The following ST6GAL2 variants were observed in gnomAD, a reference collection of about 807,000 sequenced individuals.
ST6GAL2 encodes the protein ST6 beta-galactoside alpha-2,6-sialyltransferase 2, also known as beta-galactoside alpha-2,6-sialyltransferase 2.
ST6GAL2 carries 24 observed loss-of-function variants against 37.5 expected under a neutral mutation model. The observed-to-expected ratio is 0.64, with a 90% CI of 0.46 to 0.90. ST6GAL2 has a LOEUF of 0.90. Among genes scored for constraint, ST6GAL2 ranks in the 40% least tolerant of loss-of-function variants. The probability of loss-of-function intolerance (pLI) is 0.00; values close to 1 mark genes in which losing one functional copy is unlikely to be tolerated. For synonymous variants in ST6GAL2, 306 were observed against 295.1 expected (o/e 1.04, Z -0.38); for missense variants, 715 against 712.7 (o/e 1.00, Z -0.04).
intron 1 of ST6GAL2, among the ~76,000 whole-genome samples, chr2:106,855,035 G>A (rs906988974): frequency 2.6e-4 from 39 of 151,894 alleles, no homozygotes; most frequent in South Asian, 4.2e-4. Flanking sequence ...GTGTTAATGA[G>A]CTTATTATAA....
At chr2:106,821,983 T>C (rs1486012633) in intron 5 of ST6GAL2, among the ~76,000 whole-genome samples, 1 of 152,014 alleles carries the variant, frequency 6.6e-6, no homozygotes, top group Non-Finnish European at 1.5e-5. Context: ...ACCTTCAAAA[T>C]AGTGGGAATA....
Position 106,803,059 on chromosome 2 carries a change from C to G in ST6GAL2, c.*3619G>C, listed in dbSNP as rs1406302839. ...TGTGTTACTGCTCAGAAGAGTCAATCAGCAGCGTAAGTATGATCTGTCCAG... is the reference window on the plus strand; with the variant it reads ...TGTGTTACTGCTCAGAAGAGTCAATGAGCAGCGTAAGTATGATCTGTCCAG... On this transcript the variant is annotated 3_prime_UTR_variant, in exon 6 of 6. Coordinates refer to ENST00000409382, the MANE Select transcript of ST6GAL2 (RefSeq NM_001142351.2). 1 of 152,234 alleles carries G rather than the reference C, an allele frequency of 6.6e-6. No homozygotes were observed. The highest frequency in any genetic ancestry group is 1.5e-5 in the Non-Finnish European group (1 of 68,054). 9.4% of individuals were successfully genotyped at this position (152,234 alleles called of 1,614,324 possible).
intron 3 of ST6GAL2, among the ~76,000 whole-genome samples, chr2:106,833,240 G>C (rs1227815949): frequency 6.6e-6 from 1 of 151,170 alleles, no homozygotes; most frequent in Non-Finnish European, 1.5e-5. Context: ...TCATGTTAAA[G>C]TTTCTTAGTT....
At chr2:106,835,532 G>T (rs1025379423) in intron 2 of ST6GAL2, among the ~76,000 whole-genome samples, 1 of 152,178 alleles carries the variant, frequency 6.6e-6, no homozygotes, top group Non-Finnish European at 1.5e-5. Context: ...TGCATAAAGC[G>T]TAGGTGGCTG....
intron 1 of ST6GAL2, among the ~76,000 whole-genome samples, chr2:106,872,936 A>G (rs149427790): frequency 2.4e-4 from 36 of 152,308 alleles, no homozygotes; most frequent in Middle Eastern, 6.8e-3. Context: ...GAGTAAGGAA[A>G]AGAGTCCTTT....
chr2:106,871,599 CTTAAA>C (rs1179433215), intron 1 of ST6GAL2, among the ~76,000 whole-genome samples: 6 of 152,244 alleles, frequency 3.9e-5, no homozygotes, highest in African/African-American at 1.4e-4. Context: ...TTTTTCTATG[CTTAAA>C]TTATTTTATT....
upstream of ST6GAL2, chr2:106,886,906 C>G (rs1219777177): frequency 1.3e-5 from 2 of 152,280 alleles, no homozygotes; most frequent in Admixed American, 6.5e-5. Flanking sequence ...CGGGGCAGCA[C>G]GGCTGCCTAA....
Position 106,837,897 on chromosome 2 carries a change from T to A in ST6GAL2, c.944-3751A>T, listed in dbSNP as rs76449164. On this transcript the variant is annotated intron_variant, in intron 2 of 5. Transcript: ENST00000409382. ...GTAATTCCTTTGGAGGTGGTATTAG[T>A]CTGCAGAGTTAAAAGGCCACCTGCA... 2.9e-3 allele frequency among the ~76,000 whole-genome samples: 447 copies of A among 152,218 alleles called. 4 individuals are homozygous for A. The highest frequency in any genetic ancestry group is 0.017 in the Middle Eastern group (5 of 292).
At chr2:106,826,005 A>G (rs1676186926) in intron 5 of ST6GAL2, among the ~76,000 whole-genome samples, 1 of 152,204 alleles carries the variant, frequency 6.6e-6, no homozygotes, top group South Asian at 2.1e-4. Flanking sequence ...CTGGGAATCT[A>G]ACTGCCGCTG....
At chr2:106,878,732 T>C (rs911301645) in intron 1 of ST6GAL2, among the ~76,000 whole-genome samples, 2 of 152,172 alleles carry the variant, frequency 1.3e-5, no homozygotes, top group Non-Finnish European at 2.9e-5. Flanking sequence ...AAAGATACTA[T>C]GCCATTTTAT....
chr2:106,850,419 T>A (rs1677311505), intron 1 of ST6GAL2, among the ~76,000 whole-genome samples: 1 of 152,184 alleles, frequency 6.6e-6, no homozygotes. Flanking sequence ...GGAGCTTAAG[T>A]GGCTCCTAAT....
At chr2:106,861,908 C>T (rs560943398) in intron 1 of ST6GAL2, among the ~76,000 whole-genome samples, 54 of 152,308 alleles carry the variant, frequency 3.5e-4, no homozygotes, top group African/African-American at 1.3e-3. Flanking sequence ...ACTGGGATTA[C>T]AGGCATGAGC....
intron 5 of ST6GAL2, among the ~76,000 whole-genome samples, chr2:106,816,114 A>G (rs1246124389): frequency 6.6e-6 from 1 of 152,202 alleles, no homozygotes; most frequent in African/African-American, 2.4e-5. Flanking sequence ...AATTGTATAA[A>G]CATTTAGTTA....
intron 5 of ST6GAL2, among the ~76,000 whole-genome samples, chr2:106,822,159 G>C (rs1283834398): frequency 1.3e-5 from 2 of 151,988 alleles, no homozygotes; most frequent in African/African-American, 4.8e-5. Context: ...CCTAGCTAGA[G>C]CAATCAGAGA....
At position 106,843,718 on chromosome 2, in the gene ST6GAL2, C is replaced by A. The variant is rs1677023688; in HGVS notation, c.260G>T (p.Gly87Val). The change falls in exon 2 of 6, where the codon GGT becomes GTT. Residue 87 changes from glycine (G) to valine (V), a missense_variant. Coordinates refer to ENST00000409382, the MANE Select transcript of ST6GAL2 (RefSeq NM_001142351.2). ...RQALPRAHPA[G>V]SFHAGPGDLQ... ...GTCTCCAGGCCCCGCATGAAAGGAA[C>A]CGGCTGGGTGGGCGCGGGGCAGCGC... is the stretch of plus-strand genomic sequence containing the variant. 6.2e-7 allele frequency: 1 copy of A among 1,612,988 alleles called. No individual in the cohort carries two copies. Among genetic ancestry groups the A allele is most frequent in the Non-Finnish European group, 8.5e-7 (1 of 1,179,934 alleles).
At chr2:106,886,829 C>T (rs1679021566), upstream of ST6GAL2, 2 of 152,162 alleles carry the variant, frequency 1.3e-5, no homozygotes, top group South Asian at 4.1e-4. Flanking sequence ...CGGGGCGCTC[C>T]CTGGCTGCGC....
chr2:106,843,369 G>A lies in ST6GAL2; in HGVS notation c.609C>T (p.Phe203=), dbSNP rs745800013. 2 of 1,614,130 alleles carry A rather than the reference G, an allele frequency of 1.2e-6. No homozygotes were observed. The highest frequency in any genetic ancestry group is 1.1e-5 in the South Asian group (1 of 91,092). ...DRLYSSMSRA[F]LYRLWKGNVS... is the part of the protein sequence containing the mutation. ...CGTTCCCCTTCCAGAGCCGGTACAGGAAGGCCCTGGACATGGAGGAGTACA... is the reference window on the plus strand; with the variant it reads ...CGTTCCCCTTCCAGAGCCGGTACAGAAAGGCCCTGGACATGGAGGAGTACA... Residue 203 remains phenylalanine, a synonymous_variant, in exon 2 of 6, where the codon TTC becomes TTT. Coordinates refer to ENST00000409382, the MANE Select transcript of ST6GAL2 (RefSeq NM_001142351.2).
At chr2:106,869,349 A>G (rs1678165955) in intron 1 of ST6GAL2, among the ~76,000 whole-genome samples, 1 of 152,184 alleles carries the variant, frequency 6.6e-6, no homozygotes, top group African/African-American at 2.4e-5. Flanking sequence ...ACAAAAACCA[A>G]ACTAGGGCTA....
intron 5 of ST6GAL2, among the ~76,000 whole-genome samples, chr2:106,812,512 T>C (rs1675646719): frequency 6.6e-6 from 1 of 152,282 alleles, no homozygotes; most frequent in Non-Finnish European, 1.5e-5. Flanking sequence ...ACCACATTTC[T>C]TGCATAAACA....
Sources: gnomAD v4.1 joint callset for allele counts (sites outside exome capture counted in the v4.1 genomes callset) on GRCh38, gnomAD v4.1.1 for gene constraint, MANE v1.5 for transcripts, NCBI Gene and HGNC (gene_info 2026-07-23, HGNC 2026-07-21) for gene names.